ASNS: variants seen among roughly 807,000 people sequenced by gnomAD.
The protein encoded by ASNS is asparagine synthetase (glutamine-hydrolyzing).
In ASNS, 37 loss-of-function variants were observed where a neutral mutation model predicts 62.6. The observed-to-expected ratio is 0.59, with a 90% CI of 0.45 to 0.78. The LOEUF (loss-of-function observed/expected upper bound fraction) is 0.78, where lower values mean the gene tolerates loss of function less well. Among genes scored for constraint, ASNS ranks in the 30% least tolerant of loss-of-function variants. The pLI is 0.00. For synonymous variants in ASNS, 207 were observed against 237.9 expected, an observed-to-expected ratio of 0.87 and a Z score of 1.19; for missense variants, 520 against 682.4, an observed-to-expected ratio of 0.76 and a Z score of 2.65.
the ASNS span, among the ~76,000 whole-genome samples, chr7:97,916,994 G>A: frequency 6.6e-6 from 1 of 152,070 alleles, no homozygotes; most frequent in Non-Finnish European, 1.5e-5. Context: ...CACTAAAGTG[G>A]CCCGAGAGGA....
the ASNS span, chr7:97,899,173 G>A: frequency 3.6e-6 from 1 of 274,564 alleles, no homozygotes; most frequent in East Asian, 8.4e-5. Flanking sequence ...GTAGAGACGG[G>A]ATTTCACGAT....
At chr7:97,910,923 A>G in the ASNS span, among the ~76,000 whole-genome samples, 1 of 152,160 alleles carries the variant, frequency 6.6e-6, no homozygotes, top group Admixed American at 6.5e-5. Context: ...TAAAGCCACA[A>G]TGGACCACAG....
At chr7:97,894,741 CA>C in the ASNS span, among the ~76,000 whole-genome samples, 1 of 152,004 alleles carries the variant, frequency 6.6e-6, no homozygotes, top group Non-Finnish European at 1.5e-5. Flanking sequence ...TAAAGTCTCC[CA>C]AAAGAGAAAA....
At chr7:97,896,969 A>G in the ASNS span, among the ~76,000 whole-genome samples, 1 of 151,112 alleles carries the variant, frequency 6.6e-6, no homozygotes, top group African/African-American at 2.4e-5. Flanking sequence ...TAGATATCCA[A>G]ACAGAGAAGA....
At chr7:97,915,190 CCTT>C in the ASNS span, among the ~76,000 whole-genome samples, 1 of 152,158 alleles carries the variant, frequency 6.6e-6, no homozygotes, top group Non-Finnish European at 1.5e-5. Context: ...CCTGACACCA[CCTT>C]CTAGGATAAC....
At chr7:97,926,454 T>C in the ASNS span, among the ~76,000 whole-genome samples, 2 of 152,136 alleles carry the variant, frequency 1.3e-5, no homozygotes, top group Non-Finnish European at 2.9e-5. Flanking sequence ...ACATGGCCTG[T>C]GAGTGAAGAA....
chr7:97,864,001 A>C (rs920136816), intron 4 of ASNS: 2 of 358,168 alleles, frequency 5.6e-6, no homozygotes, highest in African/African-American at 4.2e-5. Flanking sequence ...AACTGCACTT[A>C]AGATCAAGCT....
At chr7:97,887,164 G>C in the ASNS span, among the ~76,000 whole-genome samples, 2 of 152,166 alleles carry the variant, frequency 1.3e-5, no homozygotes, top group Admixed American at 1.3e-4. Context: ...GCCAATCGTT[G>C]CCCCTTGGGG....
intron 2 of ASNS, 57 bp downstream of exon 2, chr7:97,869,721 T>A (rs1792160652): frequency 6.5e-6 from 1 of 153,462 alleles, no homozygotes; most frequent in East Asian, 1.9e-4. Flanking sequence ...CATACTGCTG[T>A]AAGTGTAAAA....
chr7:97,916,993 G>A, the ASNS span, among the ~76,000 whole-genome samples: 1 of 152,010 alleles, frequency 6.6e-6, no homozygotes, highest in Non-Finnish European at 1.5e-5. Flanking sequence ...CCACTAAAGT[G>A]GCCCGAGAGG....
chr7:97,890,350 C>A, the ASNS span, among the ~76,000 whole-genome samples: 14,873 of 151,932 alleles, frequency 0.098, 873 homozygotes, highest in East Asian at 0.23. Context: ...CAAATAAATA[C>A]AACTCAAAAA....
At chr7:97,858,509 A>G (rs1791566037) in intron 6 of ASNS, 104 bp from the exon 7 acceptor site, 1 of 1,429,130 alleles carries the variant, frequency 7.0e-7, no homozygotes, top group East Asian at 2.3e-5. Flanking sequence ...TAGTTTTACT[A>G]TTTAAAATCC....
the ASNS span, among the ~76,000 whole-genome samples, chr7:97,927,574 A>G: frequency 1.6e-4 from 24 of 152,168 alleles, no homozygotes; most frequent in African/African-American, 5.3e-4. Flanking sequence ...GCATTCTGGT[A>G]TCCTGGTCTT....
chr7:97,920,663 G>C, the ASNS span, among the ~76,000 whole-genome samples: 1 of 152,244 alleles, frequency 6.6e-6, no homozygotes, highest in Non-Finnish European at 1.5e-5. Context: ...GCAGTCAGGA[G>C]GACTGTCACC....
the ASNS span, chr7:97,928,173 C>T: frequency 3.9e-6 from 6 of 1,530,634 alleles, no homozygotes; most frequent in South Asian, 6.0e-5. Flanking sequence ...GGGCTGTGCG[C>T]TTCCCCCCTC....
upstream of ASNS, among the ~76,000 whole-genome samples, chr7:97,876,181 G>T (rs1792434522): frequency 6.6e-6 from 1 of 152,086 alleles, no homozygotes; most frequent in Non-Finnish European, 1.5e-5. Context: ...TGATTTGGAA[G>T]GTCAGAGTTA....
At chr7:97,910,812 G>A in the ASNS span, among the ~76,000 whole-genome samples, 3 of 152,126 alleles carry the variant, frequency 2.0e-5, no homozygotes, top group Non-Finnish European at 4.4e-5. Context: ...ATGTTGGTCA[G>A]GATGGTCTTG....
the ASNS span, among the ~76,000 whole-genome samples, chr7:97,904,033 A>G: frequency 6.6e-6 from 1 of 152,190 alleles, no homozygotes; most frequent in South Asian, 2.1e-4. Flanking sequence ...TCTCTTCAAG[A>G]GTCCATGGAA....
chr7:97,912,605 C>CA, the ASNS span, among the ~76,000 whole-genome samples: 1 of 112,014 alleles, frequency 8.9e-6, no homozygotes, highest in Non-Finnish European at 1.7e-5. Flanking sequence ...TGTTTTCAGA[C>CA]AGAGCCTCGC....
Sources: gnomAD v4.1 joint callset for allele counts (sites outside exome capture counted in the v4.1 genomes callset) on GRCh38, gnomAD v4.1.1 for gene constraint, MANE v1.5 for transcripts, NCBI Gene and HGNC (gene_info 2026-07-23, HGNC 2026-07-21) for gene names.